The following CERKL variants were observed in gnomAD, a reference collection of about 807,000 sequenced individuals.
The protein encoded by CERKL is ceramide kinase-like protein.
A neutral mutation model predicts 63.4 loss-of-function variants in CERKL; 61 were observed. That is an observed-to-expected ratio of 0.96 (90% confidence interval 0.78 to 1.19). CERKL has a LOEUF of 1.19. Among genes scored for constraint, CERKL ranks in the 50% most tolerant of loss-of-function variants. The pLI is 0.00. For synonymous variants in CERKL, 250 were observed against 230.5 expected, an observed-to-expected ratio of 1.08 and a Z score of -0.77; for missense variants, 675 against 655.5, an observed-to-expected ratio of 1.03 and a Z score of -0.33.
At chr2:181,557,102 G>C (rs1365221804) in intron 5 of CERKL, among the ~76,000 whole-genome samples, 1 of 151,960 alleles carries the variant, frequency 6.6e-6, no homozygotes, top group East Asian at 1.9e-4. Context: ...TTTTTTTCTT[G>C]TAAATTCTTT....
chr2:181,557,545 T>A (rs1215945762), intron 5 of CERKL, among the ~76,000 whole-genome samples: 3 of 152,136 alleles, frequency 2.0e-5, no homozygotes, highest in African/African-American at 7.2e-5. Context: ...TTTCCCTCTT[T>A]TCTGGATCAC....
chr2:181,623,242 A>G (rs180716344), intron 1 of CERKL, among the ~76,000 whole-genome samples: 1 of 152,216 alleles, frequency 6.6e-6, no homozygotes, highest in Non-Finnish European at 1.5e-5. Context: ...AAAATGCTTG[A>G]AGACACAAGG....
At chr2:181,620,464 G>C (rs1298367513) in intron 1 of CERKL, among the ~76,000 whole-genome samples, 1 of 152,106 alleles carries the variant, frequency 6.6e-6, no homozygotes, top group Non-Finnish European at 1.5e-5. Flanking sequence ...TGCCCATTCA[G>C]TTATCCCCTC....
At chr2:181,616,029 ACATTGT>A (rs1262786778) in intron 1 of CERKL, among the ~76,000 whole-genome samples, 1 of 152,076 alleles carries the variant, frequency 6.6e-6, no homozygotes, top group Non-Finnish European at 1.5e-5. Context: ...CGCAAATGTC[ACATTGT>A]TATCGGATCA....
At chr2:181,563,594 T>A (rs372943667) in intron 4 of CERKL, among the ~76,000 whole-genome samples, 1,302 of 58,614 alleles carry the variant, frequency 0.022, 21 homozygotes, top group African/African-American at 0.11. Flanking sequence ...CCATAGCATT[T>A]TGGGGTTAAC....
At chr2:181,634,912 T>A (rs887739614) in intron 1 of CERKL, among the ~76,000 whole-genome samples, 1 of 152,178 alleles carries the variant, frequency 6.6e-6, no homozygotes. Context: ...AATATTCCTT[T>A]GGAACTAGCC....
chr2:181,643,342 T>C (rs1687528827), intron 1 of CERKL, among the ~76,000 whole-genome samples: 1 of 152,222 alleles, frequency 6.6e-6, no homozygotes, highest in South Asian at 2.1e-4. Flanking sequence ...TTGCTATCTG[T>C]TGAGACAAGA....
chr2:181,654,656 AT>A (rs1688081403), intron 1 of CERKL, among the ~76,000 whole-genome samples: 1 of 152,186 alleles, frequency 6.6e-6, no homozygotes, highest in Non-Finnish European at 1.5e-5. Context: ...AGTAACTTTG[AT>A]GTAGCTCCCT....
Position 181,554,906 on chromosome 2 carries a change from C to A in CERKL, c.820+3660G>T, listed in dbSNP as rs374801267. Among the ~76,000 whole-genome samples the A allele has an allele frequency of 4.6e-5, 7 of 152,128 alleles. No homozygotes were observed. The South Asian group carries it at 1.5e-3, about 32-fold the overall frequency. The stretch of plus-strand genomic sequence containing the variant: ...TAAATATACCCCACACATGACTTTC[C>A]CCTCCTATTAGATGGAATTAGAATG... On this transcript the variant is annotated intron_variant, in intron 5 of 12. Transcript: ENST00000410087.
chr2:181,613,826 A>G (rs1050239067), intron 1 of CERKL, among the ~76,000 whole-genome samples: 16 of 152,334 alleles, frequency 1.1e-4, no homozygotes, highest in Non-Finnish European at 1.0e-4. Flanking sequence ...ATGCTACATG[A>G]ATAAATGTGA....
intron 2 of CERKL, among the ~76,000 whole-genome samples, chr2:181,577,212 C>T (rs1160115981): frequency 1.3e-5 from 2 of 152,110 alleles, no homozygotes; most frequent in East Asian, 1.9e-4. Context: ...AGAAACATAA[C>T]ATTTTAATAG....
chr2:181,651,229 A>G (rs1687924672), intron 1 of CERKL, among the ~76,000 whole-genome samples: 1 of 152,244 alleles, frequency 6.6e-6, no homozygotes, highest in African/African-American at 2.4e-5. Context: ...AACACAGGAA[A>G]CTATAGTACA....
chr2:181,568,839 C>T (rs1688781945), intron 3 of CERKL, among the ~76,000 whole-genome samples: 1 of 150,376 alleles, frequency 6.6e-6, no homozygotes, highest in Admixed American at 6.6e-5. Flanking sequence ...TCCCCCCTCC[C>T]ACCACCCCAC....
intron 4 of CERKL, among the ~76,000 whole-genome samples, chr2:181,561,423 A>AAAAT (rs1356663446): frequency 6.6e-6 from 1 of 151,862 alleles, no homozygotes; most frequent in Non-Finnish European, 1.5e-5. Context: ...AAAAAAAAAA[A>AAAAT]AATAGATCAT....
At chr2:181,598,616 G>T (rs928398837) in intron 2 of CERKL, among the ~76,000 whole-genome samples, 1 of 152,000 alleles carries the variant, frequency 6.6e-6, no homozygotes, top group Admixed American at 6.6e-5. Context: ...AGCCTGAACT[G>T]TACTATCAAA....
intron 1 of CERKL, among the ~76,000 whole-genome samples, chr2:181,606,237 G>A (rs1408629746): frequency 4.7e-5 from 6 of 126,948 alleles, no homozygotes; most frequent in Admixed American, 1.7e-4. Context: ...AGGAAGGGAG[G>A]ATGGAAGACA....
intron 1 of CERKL, among the ~76,000 whole-genome samples, chr2:181,604,908 A>G (rs1362439002): frequency 6.6e-6 from 1 of 152,192 alleles, no homozygotes; most frequent in Non-Finnish European, 1.5e-5. Flanking sequence ...TCTTTAAACC[A>G]TAGGTCAGAA....
chr2:181,636,122 C>T (rs140855111), intron 1 of CERKL, among the ~76,000 whole-genome samples: 1 of 152,110 alleles, frequency 6.6e-6, no homozygotes, highest in African/African-American at 2.4e-5. Context: ...AGCTACTTCC[C>T]TTCTGTTTAC....
chr2:181,547,139 T>G (rs944191750), intron 10 of CERKL, among the ~76,000 whole-genome samples: 1 of 152,326 alleles, frequency 6.6e-6, no homozygotes, highest in South Asian at 2.1e-4. Context: ...CGTGGAACTG[T>G]AAGTCCATTA....
Sources: allele counts gnomAD v4.1 joint callset (sites outside exome capture counted in the v4.1 genomes callset), GRCh38; gene constraint gnomAD v4.1.1; transcripts MANE v1.5; gene names NCBI Gene and HGNC (gene_info 2026-07-23, HGNC 2026-07-21).